The following PPM1L variants were observed in gnomAD, a reference collection of about 807,000 sequenced individuals.
PPM1L encodes the protein protein phosphatase, Mg2+/Mn2+ dependent 1L, also known as protein phosphatase 1L.
In PPM1L, 13 loss-of-function variants were observed where a neutral mutation model predicts 31.4. The ratio of observed to expected loss-of-function variants is 0.41; its 90% CI spans 0.27 to 0.66. The LOEUF (loss-of-function observed/expected upper bound fraction) is 0.66, where lower values mean the gene tolerates loss of function less well. PPM1L is among the 30% of genes least tolerant of loss of function. The pLI, the probability that PPM1L is intolerant of heterozygous loss-of-function variation, is 0.29. For synonymous variants in PPM1L, 184 were observed against 175.4 expected, an observed-to-expected ratio of 1.05 and a Z score of -0.39; for missense variants, 326 against 453.7, an observed-to-expected ratio of 0.72 and a Z score of 2.56.
At chr3:160,953,761 G>A (rs1300452213) in intron 1 of PPM1L, among the ~76,000 whole-genome samples, 3 of 152,172 alleles carry the variant, frequency 2.0e-5, no homozygotes, top group African/African-American at 7.2e-5. Context: ...AAAATATGGA[G>A]AGATGAATAG....
chr3:160,897,286 C>T (rs928941122), intron 1 of PPM1L, among the ~76,000 whole-genome samples: 5 of 152,046 alleles, frequency 3.3e-5, no homozygotes, highest in African/African-American at 4.8e-5. Context: ...CGTGATCCAC[C>T]CGACTTGGCC....
chr3:161,040,120 A>G lies in PPM1L; in HGVS notation c.575-25283A>G, dbSNP rs79719271. Among the ~76,000 whole-genome samples the G allele has an allele frequency of 9.9e-3, 1,505 of 152,318 alleles. 27 individuals carry two copies. Among genetic ancestry groups the G allele is most frequent in the African/African-American group, 0.034 (1,406 of 41,578 alleles). ...AGGTCATGAGAATTTGCCATGGTTC[A>G]TGATCATAGTTTAAACAATATTAGC... is the stretch of plus-strand genomic sequence containing the variant. On this transcript the variant is annotated intron_variant, in intron 2 of 3. Coordinates refer to ENST00000498165, the MANE Select transcript of PPM1L (RefSeq NM_139245.4).
chr3:161,033,074 G>A (rs1718629484), intron 2 of PPM1L, among the ~76,000 whole-genome samples: 1 of 151,644 alleles, frequency 6.6e-6, no homozygotes, highest in South Asian at 2.1e-4. Flanking sequence ...TGAGATAAGA[G>A]TCAACTCCCA....
intron 1 of PPM1L, among the ~76,000 whole-genome samples, chr3:160,936,575 A>T (rs1404955397): frequency 2.0e-5 from 3 of 152,228 alleles, no homozygotes; most frequent in Admixed American, 1.3e-4. Flanking sequence ...TTTCAGAATC[A>T]ACAAAATTGT....
intron 1 of PPM1L, among the ~76,000 whole-genome samples, chr3:160,943,962 C>T (rs1250429322): frequency 5.3e-5 from 8 of 152,122 alleles, no homozygotes; most frequent in African/African-American, 1.9e-4. Context: ...TTGTAGATGG[C>T]AAAGTTTATA....
intron 1 of PPM1L, among the ~76,000 whole-genome samples, chr3:160,902,730 TTTGTTTTCTTTCCA>T (rs960183119): frequency 1.3e-5 from 2 of 152,168 alleles, no homozygotes; most frequent in African/African-American, 2.4e-5. Context: ...TTCTGTATAT[TTTGTTTTCTTTCCA>T]ACATTTTTAG....
intron 1 of PPM1L, among the ~76,000 whole-genome samples, chr3:160,810,262 G>A (rs1236964293): frequency 1.3e-5 from 2 of 151,992 alleles, no homozygotes; most frequent in Non-Finnish European, 2.9e-5. Context: ...CCCTCAAGAG[G>A]TGATTATACA....
chr3:161,022,548 C>T (rs1021432422), intron 2 of PPM1L: 2 of 166,350 alleles, frequency 1.2e-5, no homozygotes, highest in African/African-American at 4.8e-5. Flanking sequence ...TGTTTAGCAT[C>T]CTTGTATTTC....
intron 2 of PPM1L, among the ~76,000 whole-genome samples, chr3:160,977,380 C>T (rs923058740): frequency 6.6e-6 from 1 of 152,170 alleles, no homozygotes; most frequent in African/African-American, 2.4e-5. Context: ...TTACTATGTG[C>T]CAAGTTCTGG....
rs1712952911 is a variant in PPM1L at position 160,815,033 on chromosome 3, A to C, written c.399+58326A>C. 2.0e-5 allele frequency among the ~76,000 whole-genome samples: 3 copies of C among 152,028 alleles called. No homozygotes were observed. In the South Asian group the frequency reaches 6.2e-4, roughly 32 times the overall value. On this transcript the variant is annotated intron_variant, in intron 1 of 3. Transcript: ENST00000498165. ...GTAGAAGGAGGGTGAGGGATAAAAG[A>C]CTACACATTGGGTGCAGTGTACACT...
At chr3:160,766,789 G>A (rs116716759) in intron 1 of PPM1L, among the ~76,000 whole-genome samples, 1,958 of 149,784 alleles carry the variant, frequency 0.013, 44 homozygotes, top group African/African-American at 0.046. Context: ...TGATAATAGG[G>A]CCCAATTGAA....
At chr3:161,041,713 A>G (rs1718916038) in intron 2 of PPM1L, among the ~76,000 whole-genome samples, 2 of 152,166 alleles carry the variant, frequency 1.3e-5, no homozygotes, top group Non-Finnish European at 2.9e-5. Flanking sequence ...ACACCACTGC[A>G]CTCCAGCCTG....
intron 3 of PPM1L, among the ~76,000 whole-genome samples, chr3:161,066,244 G>A (rs1488872635): frequency 3.9e-5 from 6 of 152,216 alleles, no homozygotes; most frequent in African/African-American, 1.4e-4. Context: ...GGGTAGAGGG[G>A]TCCCTTATTC....
chr3:160,764,425 G>T, intron 1 of PPM1L, among the ~76,000 whole-genome samples: 1 of 150,130 alleles, frequency 6.7e-6, no homozygotes. Context: ...GCTCTATAAT[G>T]CTTTATATTT....
intron 2 of PPM1L, among the ~76,000 whole-genome samples, chr3:160,966,440 T>C (rs973342450): frequency 6.6e-6 from 1 of 152,180 alleles, no homozygotes; most frequent in Non-Finnish European, 1.5e-5. Context: ...TTTTATATCC[T>C]GCTTTTTGCA....
rs759430640 is a variant in PPM1L, at chr3:160,841,404, ACTTT to A, written c.399+84702_399+84705del. Among the ~76,000 whole-genome samples the A allele has an allele frequency of 1.0e-3, 159 of 151,714 alleles. 3 individuals carry two copies. Among genetic ancestry groups the A allele is most frequent in the Non-Finnish European group, 8.7e-4 (59 of 67,936 alleles). Reference sequence around the variant, plus strand: ...ATATGGTTTTATAGACATTCATGTTACTTTCTTTGTTTCTAGAATAAGGAAAAGG... The same window carrying A: ...ATATGGTTTTATAGACATTCATGTTACTTTGTTTCTAGAATAAGGAAAAGG... On this transcript the variant is annotated intron_variant, in intron 1 of 3. Transcript: ENST00000498165.
At chr3:161,007,875 A>C (rs1424732136) in intron 2 of PPM1L, among the ~76,000 whole-genome samples, 1 of 152,104 alleles carries the variant, frequency 6.6e-6, no homozygotes, top group Non-Finnish European at 1.5e-5. Context: ...AGGTAATAAG[A>C]GGGAGAAGAT....
At chr3:160,866,448 T>C (rs1405957000) in intron 1 of PPM1L, among the ~76,000 whole-genome samples, 1 of 152,250 alleles carries the variant, frequency 6.6e-6, no homozygotes, top group Non-Finnish European at 1.5e-5. Flanking sequence ...GTACATTTTA[T>C]GACTTATTCA....
intron 1 of PPM1L, among the ~76,000 whole-genome samples, chr3:160,890,165 G>T (rs1357623918): frequency 6.6e-6 from 1 of 152,188 alleles, no homozygotes; most frequent in East Asian, 1.9e-4. Context: ...GCAAGAGAAA[G>T]AAGTAAAGGG....
Sources: allele counts gnomAD v4.1 joint callset (sites outside exome capture counted in the v4.1 genomes callset), GRCh38; gene constraint gnomAD v4.1.1; transcripts MANE v1.5; gene names NCBI Gene and HGNC (gene_info 2026-07-23, HGNC 2026-07-21).